SEPTIN2: variants seen among roughly 807,000 people sequenced by gnomAD.
The protein encoded by SEPTIN2 is septin 2, also known as septin-2.
In SEPTIN2, 34 loss-of-function variants were observed where a neutral mutation model predicts 46.5. The observed-to-expected ratio is 0.73, with a 90% CI of 0.56 to 0.97. The LOEUF (loss-of-function observed/expected upper bound fraction) is 0.97. Among genes scored for constraint, SEPTIN2 ranks in the 50% least tolerant of loss-of-function variants. SEPTIN2 has a pLI of 0.00. For synonymous variants in SEPTIN2, 175 were observed against 153.4 expected, an observed-to-expected ratio of 1.14 and a Z score of -1.04; for missense variants, 347 against 448.4, an observed-to-expected ratio of 0.77 and a Z score of 2.04.
intron 1 of SEPTIN2, among the ~76,000 whole-genome samples, chr2:241,322,885 G>A (rs1477098713): frequency 2.6e-5 from 4 of 152,082 alleles, no homozygotes; most frequent in Admixed American, 2.0e-4. Flanking sequence ...CCAGAGGTCA[G>A]GGAAGTATGT....
intron 3 of SEPTIN2, among the ~76,000 whole-genome samples, chr2:241,333,914 G>A (rs1559625943): frequency 6.6e-6 from 1 of 152,202 alleles, no homozygotes; most frequent in Non-Finnish European, 1.5e-5. Flanking sequence ...GCAGTGGCAT[G>A]ATCATAGCCT....
At position 241,320,220 on chromosome 2, in the gene SEPTIN2, A is replaced by G. The variant is rs1362818526; in HGVS notation, c.-17-3996A>G. ...CTCTGTAGAGGCTTGGAATAGTTAA[A>G]TGACTTTGGTCTTGTCCAAGGTTAG... On this transcript the variant is annotated intron_variant, in intron 1 of 12. Coordinates refer to ENST00000391971, the MANE Select transcript of SEPTIN2 (RefSeq NM_004404.5). 2.5e-5 allele frequency: 12 copies of G among 471,054 alleles called. No homozygotes were observed. In the East Asian group the frequency reaches 8.3e-4, roughly 33 times the overall value. 29.2% of individuals were successfully genotyped at this position (471,054 alleles called of 1,614,324 possible).
At chr2:241,328,603 G>A (rs953200237) in intron 3 of SEPTIN2, among the ~76,000 whole-genome samples, 5 of 151,904 alleles carry the variant, frequency 3.3e-5, no homozygotes, top group African/African-American at 7.3e-5. Flanking sequence ...TTAGCTGGGC[G>A]TGTTGGCACA....
intron 1 of SEPTIN2, chr2:241,320,055 T>C (rs1295261954): frequency 2.9e-6 from 1 of 341,958 alleles, no homozygotes; most frequent in African/African-American, 2.1e-5. Context: ...GCAAATATTG[T>C]ATTCAGGATT....
intron 4 of SEPTIN2, 103 bp downstream of exon 4, chr2:241,335,315 T>C: frequency 6.4e-7 from 1 of 1,557,618 alleles, no homozygotes; most frequent in Non-Finnish European, 8.7e-7. Context: ...TGTTTGTTCT[T>C]GTTCAGCTTT....
intron 11 of SEPTIN2, among the ~76,000 whole-genome samples, chr2:241,348,459 A>G (rs112243191): frequency 7.2e-5 from 11 of 151,960 alleles, no homozygotes; most frequent in Admixed American, 1.3e-4. Context: ...TCGAACTCCT[A>G]ACCTCAGGTG....
chr2:241,324,350 AT>A, intron 2 of SEPTIN2, 109 bp downstream of exon 2: 1 of 856,862 alleles, frequency 1.2e-6, no homozygotes, highest in Non-Finnish European at 1.9e-6. Flanking sequence ...CAACTGATAC[AT>A]TTGATTCATT....
intron 10 of SEPTIN2, 66 bp downstream of exon 10, chr2:241,346,315 T>A: frequency 7.9e-7 from 1 of 1,270,158 alleles, no homozygotes; most frequent in Non-Finnish European, 1.1e-6. Context: ...TCCTCCTCTA[T>A]GTGTTCAGCT....
At chr2:241,319,863 G>T (rs2076893486) in intron 1 of SEPTIN2, among the ~76,000 whole-genome samples, 1 of 152,180 alleles carries the variant, frequency 6.6e-6, no homozygotes, top group Non-Finnish European at 1.5e-5. Context: ...CAAAGTGCTG[G>T]TATTACAGGC....
intron 1 of SEPTIN2, chr2:241,316,554 A>AG (rs2076292984): frequency 6.6e-7 from 1 of 1,514,396 alleles, no homozygotes. Context: ...TGCACCAGCG[A>AG]GGCACGGACA....
At chr2:241,326,854 C>T (rs900804326) in intron 3 of SEPTIN2, among the ~76,000 whole-genome samples, 25 of 151,936 alleles carry the variant, frequency 1.6e-4, no homozygotes, top group African/African-American at 5.8e-4. Context: ...TTTGGGAGGC[C>T]GAGGCAGGCA....
intron 3 of SEPTIN2, among the ~76,000 whole-genome samples, chr2:241,329,988 A>G (rs2078724478): frequency 6.6e-6 from 1 of 152,244 alleles, no homozygotes; most frequent in Admixed American, 6.5e-5. Flanking sequence ...GCCAGCAGAT[A>G]TTTAAGAATG....
chr2:241,347,047 T>C (rs957511526), intron 10 of SEPTIN2, among the ~76,000 whole-genome samples: 1 of 152,138 alleles, frequency 6.6e-6, no homozygotes, highest in Non-Finnish European at 1.5e-5. Context: ...TTGAACCCAG[T>C]AGTTTGAGAC....
intron 9 of SEPTIN2, among the ~76,000 whole-genome samples, chr2:241,345,285 T>C (rs569684193): frequency 3.3e-5 from 5 of 152,320 alleles, no homozygotes; most frequent in African/African-American, 1.2e-4. Context: ...TGAGTTAAAA[T>C]AAGTAAGCAT....
intron 11 of SEPTIN2, 23 bp from the exon 12 acceptor site, chr2:241,350,050 A>G (rs1258927155): frequency 3.7e-6 from 6 of 1,607,130 alleles, no homozygotes; most frequent in African/African-American, 1.3e-5. Context: ...TTGAAAACCT[A>G]TAATGTGTGT....
rs2078901426 is a variant in SEPTIN2, at chr2:241,331,013, T to G, written c.131-4113T>G. Among the ~76,000 whole-genome samples the G allele has an allele frequency of 3.3e-5, 5 of 152,226 alleles. No homozygotes were observed. In the South Asian group the frequency reaches 1.0e-3, roughly 32 times the overall value. On this transcript the variant is annotated intron_variant, in intron 3 of 12. Transcript: ENST00000391971. ...GGTAAAACTTCATCTCTTTAGTACT[T>G]TTGTAAAGTACTGAAATTAGCCGGC...
intron 8 of SEPTIN2, 132 bp from the exon 9 acceptor site, chr2:241,343,619 AC>A: frequency 1.1e-6 from 1 of 930,022 alleles, no homozygotes; most frequent in South Asian, 1.8e-5. Context: ...AGAAAATGTT[AC>A]ATACCCCCAG....
chr2:241,338,700 T>C (rs1312876851), intron 7 of SEPTIN2, among the ~76,000 whole-genome samples: 10 of 107,582 alleles, frequency 9.3e-5, no homozygotes, highest in East Asian at 2.3e-4. Context: ...ATATATATTA[T>C]ATTTATATTA....
At chr2:241,345,956 ATC>A (rs2150173195) in intron 9 of SEPTIN2, among the ~76,000 whole-genome samples, 1 of 152,214 alleles carries the variant, frequency 6.6e-6, no homozygotes, top group African/African-American at 2.4e-5. Flanking sequence ...GTGTTTGTAT[ATC>A]ATTTATTGGG....
Sources: gnomAD v4.1 joint callset for allele counts (sites outside exome capture counted in the v4.1 genomes callset) on GRCh38, gnomAD v4.1.1 for gene constraint, MANE v1.5 for transcripts, NCBI Gene and HGNC (gene_info 2026-07-23, HGNC 2026-07-21) for gene names.